The following RANBP2 variants were observed in gnomAD, a reference collection of about 807,000 sequenced individuals.
RANBP2 encodes RAN binding protein 2, also known as E3 SUMO-protein ligase RanBP2.
A neutral mutation model predicts 303.6 loss-of-function variants in RANBP2; 57 were observed. That is an observed-to-expected ratio of 0.19 (90% CI 0.15 to 0.23). The LOEUF (loss-of-function observed/expected upper bound fraction) is 0.23. Ranked by LOEUF, RANBP2 falls within the 10% of genes least tolerant of loss-of-function variation. The pLI is 1.00. For missense variants in RANBP2, 3,138 were observed against 3,780.8 expected (o/e 0.83, Z 4.46); for synonymous variants, 1,167 against 1,301.5 (o/e 0.90, Z 2.23).
At chr2:109,748,748 C>A in the RANBP2 span, among the ~76,000 whole-genome samples, 1 of 151,438 alleles carries the variant, frequency 6.6e-6, no homozygotes, top group South Asian at 2.1e-4. Context: ...TGGCATATGC[C>A]TCTAATCCCA....
the RANBP2 span, among the ~76,000 whole-genome samples, chr2:109,555,672 G>A: frequency 1.3e-5 from 2 of 152,162 alleles, no homozygotes; most frequent in Admixed American, 6.5e-5. Flanking sequence ...CACATCTGAA[G>A]CCTGTTAGCA....
the RANBP2 span, among the ~76,000 whole-genome samples, chr2:109,278,337 G>A: frequency 6.6e-6 from 1 of 152,198 alleles, no homozygotes; most frequent in Admixed American, 6.5e-5. Flanking sequence ...CCCGTAATGG[G>A]GGTGGGCCCA....
chr2:109,731,206 A>C, the RANBP2 span, among the ~76,000 whole-genome samples: 1 of 152,140 alleles, frequency 6.6e-6, no homozygotes, highest in Admixed American at 6.5e-5. Flanking sequence ...TTGGGGACAC[A>C]TTCAGTTTAT....
chr2:109,201,724 G>A, the RANBP2 span, among the ~76,000 whole-genome samples: 147 of 152,326 alleles, frequency 9.7e-4, no homozygotes, highest in African/African-American at 3.0e-3. Flanking sequence ...GGAGAGCCAC[G>A]TACAGCCCAG....
At chr2:109,486,387 A>G in the RANBP2 span, among the ~76,000 whole-genome samples, 839 of 152,344 alleles carry the variant, frequency 5.5e-3, 4 homozygotes, top group African/African-American at 0.017. Flanking sequence ...GTGCTCTCCC[A>G]AGGCAAGGCA....
chr2:109,159,622 C>T, the RANBP2 span, among the ~76,000 whole-genome samples: 1 of 152,150 alleles, frequency 6.6e-6, no homozygotes, highest in South Asian at 2.1e-4. Context: ...CCAGTCTGTG[C>T]CCTGTTAGGA....
chr2:109,241,834 C>T, the RANBP2 span, among the ~76,000 whole-genome samples: 9 of 151,298 alleles, frequency 5.9e-5, no homozygotes, highest in South Asian at 1.0e-3. Flanking sequence ...GGTGCGATCT[C>T]GGCTCACTGC....
At chr2:109,092,534 A>G in the RANBP2 span, among the ~76,000 whole-genome samples, 1 of 152,182 alleles carries the variant, frequency 6.6e-6, no homozygotes, top group Non-Finnish European at 1.5e-5. Flanking sequence ...TTTTACCTAC[A>G]TTTCCATAAA....
the RANBP2 span, among the ~76,000 whole-genome samples, chr2:109,448,105 C>A: frequency 6.6e-6 from 1 of 152,176 alleles, no homozygotes; most frequent in African/African-American, 2.4e-5. Context: ...AGTGTGGAAA[C>A]CAAGGACCAG....
the RANBP2 span, among the ~76,000 whole-genome samples, chr2:109,519,493 A>G: frequency 2.6e-5 from 4 of 152,194 alleles, no homozygotes; most frequent in Non-Finnish European, 4.4e-5. Context: ...CTGTTGTTAA[A>G]AGAACTGCAC....
the RANBP2 span, among the ~76,000 whole-genome samples, chr2:109,288,252 C>T: frequency 5.9e-5 from 9 of 152,156 alleles, no homozygotes; most frequent in Admixed American, 2.0e-4. Context: ...AGTTAAAAAC[C>T]GAGAAGACTG....
At chr2:108,895,498 A>ATGT in the RANBP2 span, 5 of 152,218 alleles carry the variant, frequency 3.3e-5, no homozygotes, top group East Asian at 9.6e-4. Context: ...CTGCCTATAA[A>ATGT]TGTTATGTCA....
the RANBP2 span, among the ~76,000 whole-genome samples, chr2:109,547,816 A>G: frequency 1.6e-4 from 25 of 152,354 alleles, no homozygotes; most frequent in Middle Eastern, 3.4e-3. Flanking sequence ...AGCACTCGAT[A>G]AATATTAGCC....
chr2:109,737,394 C>T, the RANBP2 span: 2 of 655,652 alleles, frequency 3.1e-6, no homozygotes, highest in Non-Finnish European at 5.5e-6. Context: ...TCCTTTCTTG[C>T]AAAAACTGCT....
At chr2:109,373,856 C>T in the RANBP2 span, among the ~76,000 whole-genome samples, 5 of 152,236 alleles carry the variant, frequency 3.3e-5, no homozygotes, top group East Asian at 3.9e-4. Context: ...CTGAAGGCTG[C>T]GTTGGGCCCC....
the RANBP2 span, among the ~76,000 whole-genome samples, chr2:109,067,719 C>T: frequency 2.0e-5 from 3 of 152,212 alleles, no homozygotes; most frequent in Admixed American, 2.0e-4. Flanking sequence ...CTCTCCTGGC[C>T]GCGCAATCCT....
At chr2:109,396,741 G>A in the RANBP2 span, among the ~76,000 whole-genome samples, 81 of 152,224 alleles carry the variant, frequency 5.3e-4, no homozygotes, top group Admixed American at 1.2e-3. Context: ...TGGCACCTGC[G>A]GGCCTCACAT....
chr2:109,480,326 C>T, the RANBP2 span, among the ~76,000 whole-genome samples: 1 of 152,172 alleles, frequency 6.6e-6, no homozygotes, highest in African/African-American at 2.4e-5. Context: ...CAGGTGCTGT[C>T]GCTATCCCCA....
At chr2:109,469,832 G>A in the RANBP2 span, among the ~76,000 whole-genome samples, 6 of 152,280 alleles carry the variant, frequency 3.9e-5, no homozygotes, top group Non-Finnish European at 7.4e-5. Flanking sequence ...TTTTCCAGCC[G>A]TTGGTTATGT....
Sources: gnomAD v4.1 joint callset for allele counts (sites outside exome capture counted in the v4.1 genomes callset) on GRCh38, gnomAD v4.1.1 for gene constraint, MANE v1.5 for transcripts, NCBI Gene and HGNC (gene_info 2026-07-23, HGNC 2026-07-21) for gene names.